The following SRGAP1 variants were observed in gnomAD, a reference collection of about 807,000 sequenced individuals.
SRGAP1 encodes the protein SLIT-ROBO Rho GTPase-activating protein 1.
Under a neutral mutation model 121.9 loss-of-function variants are expected in SRGAP1, and 43 were observed. That is an observed-to-expected ratio of 0.35 (90% CI 0.28 to 0.46). The LOEUF (loss-of-function observed/expected upper bound fraction) is 0.46. Ranked by LOEUF, SRGAP1 falls within the 20% of genes least tolerant of loss-of-function variation. The probability of loss-of-function intolerance (pLI) is 1.00; values close to 1 mark genes in which losing one functional copy is unlikely to be tolerated. For missense variants in SRGAP1, 1,102 were observed against 1,350.9 expected (o/e 0.82, Z 2.89); for synonymous variants, 447 against 485.4 (o/e 0.92, Z 1.04).
In SRGAP1 at chr12:63,858,204, GTC is replaced by G. The variant is rs1491252407; in HGVS notation, c.67+13323_67+13324del. On this transcript the variant is annotated intron_variant, in intron 1 of 21. Transcript: ENST00000355086. ...GTGTGGTGTGTGTGTGTGTGTGTGT[GTC>G]TGTCTGTCTGTATACACCGTTGGAT... 7.1e-3 allele frequency among the ~76,000 whole-genome samples: 1,020 copies of G among 144,000 alleles called. 22 individuals carry two copies. Among genetic ancestry groups the G allele is most frequent in the Admixed American group, 0.019 (268 of 14,132 alleles). The allele number at this position is 144,000 out of a possible 152,430, so 94.5% of individuals were successfully genotyped here.
At chr12:64,010,614 G>A (rs932351258) in intron 3 of SRGAP1, among the ~76,000 whole-genome samples, 6 of 152,086 alleles carry the variant, frequency 3.9e-5, no homozygotes, top group African/African-American at 1.5e-4. Context: ...ACCAAAGTAG[G>A]CACTGGGAAT....
At chr12:63,916,942 G>A (rs1314682424) in intron 1 of SRGAP1, among the ~76,000 whole-genome samples, 1 of 152,096 alleles carries the variant, frequency 6.6e-6, no homozygotes, top group African/African-American at 2.4e-5. Flanking sequence ...AAAACCACGA[G>A]GCCAGATCAT....
In SRGAP1 at chr12:64,142,278, C is replaced by T. The variant is rs115716796; in HGVS notation, c.2881-17C>T. On this transcript the variant is annotated splice_polypyrimidine_tract_variant and intron_variant, in intron 21 of 21. Transcript: ENST00000355086. Reference sequence around the variant, plus strand: ...TATCAGTCTGTGCTTTCTCTCTTTCCGATTATTCTTCAATAGGATATTGAA... The same window carrying T: ...TATCAGTCTGTGCTTTCTCTCTTTCTGATTATTCTTCAATAGGATATTGAA... 236 of 1,605,708 alleles carry T rather than the reference C, an allele frequency of 1.5e-4. No individual in the cohort carries two copies. In the African/African-American group the frequency reaches 2.3e-3, roughly 16 times the overall value.
At chr12:64,129,392 GT>G (rs2036748738) in intron 21 of SRGAP1, among the ~76,000 whole-genome samples, 1 of 152,142 alleles carries the variant, frequency 6.6e-6, no homozygotes, top group African/African-American at 2.4e-5. Flanking sequence ...CCTGCTTTAT[GT>G]TCACTGGCAG....
intron 3 of SRGAP1, among the ~76,000 whole-genome samples, chr12:64,005,671 A>T (rs552511169): frequency 3.3e-5 from 5 of 151,642 alleles, no homozygotes; most frequent in Non-Finnish European, 7.4e-5. Context: ...AATAAAAAAA[A>T]GTTTTAACTC....
rs545587700 is a variant in SRGAP1 at position 64,032,565 on chromosome 12, G to A, written c.490-10225G>A. 46 of 972,768 alleles carry A rather than the reference G, an allele frequency of 4.7e-5. No homozygotes were observed. In the East Asian group the frequency reaches 6.4e-4, roughly 13 times the overall value. 60.3% of individuals were successfully genotyped at this position (972,768 alleles called of 1,614,324 possible). A position where few individuals can be genotyped will look rare whatever the true frequency, so the allele number is the denominator to read the frequency against. ...AAGGCAGTGCCTTGACCAGAGCCAC[G>A]GACCTAGCTCTGCACATAAGTCCTG... On this transcript the variant is annotated intron_variant, in intron 4 of 21. Transcript: ENST00000355086.
chr12:63,948,624 A>G (rs760608189), intron 1 of SRGAP1, among the ~76,000 whole-genome samples: 6 of 151,910 alleles, frequency 3.9e-5, no homozygotes, highest in Non-Finnish European at 2.9e-5. Context: ...GTGCCCAAGG[A>G]TACTAGCCAT....
At position 63,992,525 on chromosome 12, in the gene SRGAP1, G is replaced by A. The variant is rs34130529; in HGVS notation, c.426+2453G>A. ...AGGGATTAAGTAATCTTGGAGTGAG[G>A]CAGCTCCCTTTGGTGGAGGGTAATT... On this transcript the variant is annotated intron_variant, in intron 3 of 21. Coordinates refer to ENST00000355086, the MANE Select transcript of SRGAP1 (RefSeq NM_020762.4). Among the ~76,000 whole-genome samples the A allele has an allele frequency of 7.2e-4, 110 of 152,190 alleles. 1 individual carries two copies. The highest frequency in any genetic ancestry group is 1.3e-3 in the Non-Finnish European group (90 of 68,006).
intron 4 of SRGAP1, among the ~76,000 whole-genome samples, chr12:64,035,425 G>A (rs2034883971): frequency 6.6e-6 from 1 of 152,154 alleles, no homozygotes; most frequent in Non-Finnish European, 1.5e-5. Flanking sequence ...GAGAGATTAT[G>A]TCTTTCATCT....
rs995768826 is a variant in SRGAP1, at chr12:63,954,742, A to AG, written c.68-29204dup. ...AGGCAATTTGAAGCAATGGAAAAAT[A>AG]GTTGAGCTACACAATTGTAGGTTTG... On this transcript the variant is annotated intron_variant, in intron 1 of 21. Coordinates refer to ENST00000355086, the MANE Select transcript of SRGAP1 (RefSeq NM_020762.4). Among the ~76,000 whole-genome samples, 24 of 151,832 alleles carry AG rather than the reference A, an allele frequency of 1.6e-4. 1 individual carries two copies. The highest frequency in any genetic ancestry group is 5.8e-4 in the African/African-American group (24 of 41,380).
intron 1 of SRGAP1, among the ~76,000 whole-genome samples, chr12:63,932,917 C>T (rs2136340370): frequency 6.6e-6 from 1 of 152,320 alleles, no homozygotes; most frequent in Non-Finnish European, 1.5e-5. Flanking sequence ...AGGCCAGGAG[C>T]AGTGGCTCAC....
chr12:64,079,162 G>A (rs1459238027), intron 9 of SRGAP1, 46 bp downstream of exon 9: 2 of 1,606,964 alleles, frequency 1.2e-6, no homozygotes, highest in South Asian at 2.2e-5. Context: ...TCAGATCTAG[G>A]ATTCCCAAGT....
At chr12:64,106,044 A>G (rs75142561) in intron 15 of SRGAP1, among the ~76,000 whole-genome samples, 3,361 of 152,304 alleles carry the variant, frequency 0.022, 59 homozygotes, top group South Asian at 0.11. Flanking sequence ...TTTAGAGACA[A>G]TGTATTCCTC....
At chr12:63,848,608 G>A (rs542877812) in intron 1 of SRGAP1, among the ~76,000 whole-genome samples, 27 of 151,578 alleles carry the variant, frequency 1.8e-4, no homozygotes, top group Admixed American at 9.9e-4. Context: ...GCAGTGACAC[G>A]ATCTCTGCTC....
chr12:63,931,300 C>CTA (rs2136338061), intron 1 of SRGAP1, among the ~76,000 whole-genome samples: 1 of 152,240 alleles, frequency 6.6e-6, no homozygotes, highest in East Asian at 1.9e-4. Flanking sequence ...GCCTAAGTTT[C>CTA]TATATCTCTA....
intron 1 of SRGAP1, among the ~76,000 whole-genome samples, chr12:63,949,832 G>A (rs368941774): frequency 5.7e-4 from 87 of 152,252 alleles, no homozygotes; most frequent in African/African-American, 2.1e-3. Flanking sequence ...ATCACCAGAG[G>A]AATCCAATTA....
intron 1 of SRGAP1, among the ~76,000 whole-genome samples, chr12:63,942,209 A>G (rs192712761): frequency 1.9e-4 from 29 of 152,322 alleles, no homozygotes; most frequent in Admixed American, 3.9e-4. Context: ...AGTCCTCAAC[A>G]TGGTCATTTA....
chr12:64,110,039 T>A (rs1266768328), intron 16 of SRGAP1, among the ~76,000 whole-genome samples: 1 of 152,158 alleles, frequency 6.6e-6, no homozygotes, highest in Non-Finnish European at 1.5e-5. Context: ...TGTACATTAA[T>A]CACCACTGGA....
intron 8 of SRGAP1, among the ~76,000 whole-genome samples, chr12:64,072,679 C>A (rs1215521454): frequency 1.3e-5 from 2 of 152,184 alleles, no homozygotes; most frequent in East Asian, 1.9e-4. Context: ...TGCAAACCAA[C>A]ACCTCGATCT....
Sources: gnomAD v4.1 joint callset for allele counts (sites outside exome capture counted in the v4.1 genomes callset) on GRCh38, gnomAD v4.1.1 for gene constraint, MANE v1.5 for transcripts, NCBI Gene and HGNC (gene_info 2026-07-23, HGNC 2026-07-21) for gene names.